The following PABIR3 variants were observed in gnomAD, a reference collection of about 807,000 sequenced individuals.
The protein encoded by PABIR3 is PABIR family member 3, also known as PABIR family member 1.
In PABIR3, 20 loss-of-function variants were observed where a neutral mutation model predicts 23.1. The observed-to-expected ratio is 0.86, with a 90% CI of 0.61 to 1.26. The LOEUF (loss-of-function observed/expected upper bound fraction) is 1.26. Ranked by LOEUF, PABIR3 falls within the 50% of genes most tolerant of loss-of-function variation. The pLI, the probability that PABIR3 is intolerant of heterozygous loss-of-function variation, is 0.00. For synonymous variants in PABIR3, 69 were observed against 68.5 expected (o/e 1.01, Z -0.04); for missense variants, 189 against 195.4 (o/e 0.97, Z 0.20).
intron 4 of PABIR3, among the ~76,000 whole-genome samples, chrX:134,837,273 G>C (rs1413980015): frequency 9.1e-6 from 1 of 110,114 alleles, no homozygotes. Flanking sequence ...TTGAACCCGG[G>C]AACCAGAGGT....
rs1556344204 is a variant in PABIR3 at position 134,849,887 on chromosome X, T to TTTTTTTTTTC, written c.589+659_589+660insTTTTTTTTTC. On this transcript the variant is annotated intron_variant, in intron 9 of 10. Transcript: ENST00000645433. ...CTTCTTCCTTTTTTTTTTTTTTTTT[T>TTTTTTTTTTC]CTTGAGACAGAGTCTTGCTCTGTCA... 4.0e-3 allele frequency among the ~76,000 whole-genome samples: 361 copies of TTTTTTTTTTC among 90,196 alleles called. 9 individuals carry two copies. Among genetic ancestry groups the TTTTTTTTTTC allele is most frequent in the African/African-American group, 0.014 (341 of 23,787 alleles). The allele number at this position is 90,196 out of a possible 115,157, so 78.3% of individuals were successfully genotyped here. A position where few individuals can be genotyped will look rare whatever the true frequency, so the allele number is the denominator to read the frequency against.
chrX:134,829,148 T>C, intron 3 of PABIR3, 78 bp from the exon 4 acceptor site: 1 of 834,479 alleles, frequency 1.2e-6, no homozygotes, highest in South Asian at 2.2e-5. Context: ...TTTTAGGTAA[T>C]TCAACATTGA....
At chrX:134,820,603 C>T (rs1301578225) in intron 3 of PABIR3, among the ~76,000 whole-genome samples, 3 of 111,385 alleles carry the variant, frequency 2.7e-5, no homozygotes, top group Admixed American at 1.9e-4. Context: ...ATTGGCTGCA[C>T]AACAGTGGGA....
At chrX:134,838,336 C>T (rs1186520518) in intron 4 of PABIR3, among the ~76,000 whole-genome samples, 2 of 108,021 alleles carry the variant, frequency 1.9e-5, no homozygotes, top group Non-Finnish European at 3.8e-5. Flanking sequence ...TTTTTTGGAA[C>T]AGAGTCTCGC....
chrX:134,829,222 T>G lies in PABIR3; in HGVS notation c.190-4T>G. On this transcript the variant is annotated splice_polypyrimidine_tract_variant and splice_region_variant and intron_variant, in intron 3 of 10. Coordinates refer to ENST00000645433, the MANE Select transcript of PABIR3 (RefSeq NM_001388447.1). Reference sequence around the variant, plus strand: ...AAGCTTGACTTCTATATTTTAAATTTCAGTTGTTGCCACCTCCTCCCTTTC... The same window carrying G: ...AAGCTTGACTTCTATATTTTAAATTGCAGTTGTTGCCACCTCCTCCCTTTC... 4.2e-6 allele frequency: 5 copies of G among 1,204,646 alleles called. No individual in the cohort carries two copies. Among genetic ancestry groups the G allele is most frequent in the Non-Finnish European group, 5.6e-6 (5 of 889,694 alleles).
At position 134,807,352 on chromosome X, in the gene PABIR3, T is replaced by C; in HGVS notation, c.-60+11T>C. On this transcript the variant is annotated intron_variant, in intron 1 of 10. Coordinates refer to ENST00000645433, the MANE Select transcript of PABIR3 (RefSeq NM_001388447.1). ...ATTATAGACTTGGAGGTGGGGGATCTTCTCATCGTTAGAGGCCCCGATCAT... is the reference window on the plus strand; with the variant it reads ...ATTATAGACTTGGAGGTGGGGGATCCTCTCATCGTTAGAGGCCCCGATCAT... 1.0e-6 allele frequency: 1 copy of C among 958,082 alleles called. No homozygotes were observed. The highest frequency in any genetic ancestry group is 1.3e-6 in the Non-Finnish European group (1 of 767,008). 79.0% of individuals were successfully genotyped at this position (958,082 alleles called of 1,213,427 possible).
downstream of PABIR3, among the ~76,000 whole-genome samples, chrX:134,856,826 C>A (rs979715356): frequency 9.1e-6 from 1 of 110,382 alleles, no homozygotes; most frequent in African/African-American, 3.3e-5. Context: ...GCCTGGCCAA[C>A]ATGGCGAAAT....
chrX:134,845,300 A>G (rs1261008525), intron 5 of PABIR3, 47 bp from the exon 6 acceptor site: 46 of 1,185,822 alleles, frequency 3.9e-5, no homozygotes, highest in Non-Finnish European at 5.1e-5. Context: ...ACTTAATTAT[A>G]TCTTTTCTTT....
chrX:134,812,478 G>A (rs2080730567), intron 2 of PABIR3, among the ~76,000 whole-genome samples: 1 of 112,000 alleles, frequency 8.9e-6, no homozygotes, highest in Non-Finnish European at 1.9e-5. Context: ...TTAAGTTACT[G>A]CCTGTTATAT....
At chrX:134,860,955 G>A in the PABIR3 span, among the ~76,000 whole-genome samples, 6 of 111,888 alleles carry the variant, frequency 5.4e-5, no homozygotes, top group Non-Finnish European at 9.4e-5. Context: ...AGTTATTAAC[G>A]GGTACAGAGT....
chrX:134,843,424 G>T (rs2082312998), intron 4 of PABIR3, among the ~76,000 whole-genome samples: 1 of 109,084 alleles, frequency 9.2e-6, no homozygotes, highest in Admixed American at 9.9e-5. Flanking sequence ...AAAAAAAGGG[G>T]GTTCAACTTC....
chrX:134,847,813 C>T lies in PABIR3; in HGVS notation c.439-70C>T, dbSNP rs755305011. 13 of 919,281 alleles carry T rather than the reference C, an allele frequency of 1.4e-5. No individual in the cohort carries two copies. In the African/African-American group the frequency reaches 2.5e-4, roughly 18 times the overall value. The allele number at this position is 919,281 out of a possible 1,213,427, so 75.8% of individuals were successfully genotyped here. On this transcript the variant is annotated intron_variant, in intron 7 of 10. Coordinates refer to ENST00000645433, the MANE Select transcript of PABIR3 (RefSeq NM_001388447.1). The stretch of plus-strand genomic sequence containing the variant: ...CCCTCCCTACCATCCCTGCCCCTCC[C>T]TAGGAAACCAATGATCTGCTTTCCG...
At chrX:134,852,548 AAAC>A (rs1439912335) in intron 9 of PABIR3, among the ~76,000 whole-genome samples, 1 of 110,787 alleles carries the variant, frequency 9.0e-6, no homozygotes, top group African/African-American at 3.3e-5. Context: ...TAATCATTGA[AAAC>A]AAAAAGTAAA....
the PABIR3 span, among the ~76,000 whole-genome samples, chrX:134,861,290 ATAG>A: frequency 4.3e-3 from 467 of 109,177 alleles, 25 homozygotes; most frequent in East Asian, 0.097. Context: ...AAAAAAGGAA[ATAG>A]TAGTGATGGC....
chrX:134,858,022 A>T (rs2082757907), downstream of PABIR3, among the ~76,000 whole-genome samples: 1 of 111,738 alleles, frequency 8.9e-6, no homozygotes, highest in Non-Finnish European at 1.9e-5. Flanking sequence ...ATAGTCTATC[A>T]TAACATGACT....
intron 9 of PABIR3, among the ~76,000 whole-genome samples, chrX:134,852,586 A>G (rs1175624025): frequency 9.0e-6 from 1 of 111,186 alleles, no homozygotes; most frequent in African/African-American, 3.2e-5. Flanking sequence ...ATACGGTACA[A>G]ACCCAATTTT....
At position 134,821,682 on chromosome X, in the gene PABIR3, A is replaced by G. The variant is rs761121565; in HGVS notation, c.189+6833A>G. ...ATTGGCAACCACAAACCCCAAATCT[A>G]GTGTATGGCCCACAAAGTTGCAAGC... On this transcript the variant is annotated intron_variant, in intron 3 of 10. Transcript: ENST00000645433. 113 of 1,039,239 alleles carry G rather than the reference A, an allele frequency of 1.1e-4. No individual in the cohort carries two copies. In the African/African-American group the frequency reaches 1.7e-3, roughly 15 times the overall value. The allele number at this position is 1,039,239 out of a possible 1,213,427, so 85.6% of individuals were successfully genotyped here. A position where few individuals can be genotyped will look rare whatever the true frequency, so the allele number is the denominator to read the frequency against.
chrX:134,800,565 G>A (rs1224723777), intron 1 of PABIR3, among the ~76,000 whole-genome samples: 1 of 111,885 alleles, frequency 8.9e-6, no homozygotes, highest in Non-Finnish European at 1.9e-5. Context: ...GCCGAGGTGG[G>A]CGGATCACAA....
intron 3 of PABIR3, chrX:134,822,291 T>C (rs1317930724): frequency 1.3e-6 from 1 of 751,543 alleles, no homozygotes; most frequent in Non-Finnish European, 1.6e-6. Context: ...TTATCTAAGG[T>C]AATTCCTTTG....
Sources: allele counts gnomAD v4.1 joint callset (sites outside exome capture counted in the v4.1 genomes callset), GRCh38; gene constraint gnomAD v4.1.1; transcripts MANE v1.5; gene names NCBI Gene and HGNC (gene_info 2026-07-23, HGNC 2026-07-21).